FTO: variants seen among roughly 807,000 people sequenced by gnomAD.
The protein encoded by FTO is alpha-ketoglutarate-dependent dioxygenase FTO.
FTO carries 47 observed loss-of-function variants against 63.9 expected under a neutral mutation model. The ratio of observed to expected loss-of-function variants is 0.74; its 90% CI spans 0.58 to 0.94. The LOEUF is 0.94. Among genes scored for constraint, FTO ranks in the 40% least tolerant of loss-of-function variants. The pLI, the probability that FTO is intolerant of heterozygous loss-of-function variation, is 0.00. For missense variants in FTO, 562 were observed against 618.1 expected (o/e 0.91, Z 0.96); for synonymous variants, 207 against 224.4 (o/e 0.92, Z 0.69).
At chr16:54,102,436 C>G (rs2086659929) in intron 8 of FTO, among the ~76,000 whole-genome samples, 1 of 152,112 alleles carries the variant, frequency 6.6e-6, no homozygotes. Flanking sequence ...ATCAGCTGGG[C>G]ATTGTTTTGC....
At chr16:53,979,383 A>C in intron 8 of FTO, 1 of 398,576 alleles carries the variant, frequency 2.5e-6, no homozygotes, top group East Asian at 3.6e-5. Context: ...AGATGGACCA[A>C]TTTACAGATT....
intron 1 of FTO, among the ~76,000 whole-genome samples, chr16:53,746,472 C>T (rs1301352046): frequency 6.6e-6 from 1 of 152,150 alleles, no homozygotes; most frequent in Non-Finnish European, 1.5e-5. Context: ...ACCATTGTCA[C>T]TAATATAGAG....
At chr16:53,821,815 T>C (rs1279238140) in intron 2 of FTO, among the ~76,000 whole-genome samples, 1 of 152,230 alleles carries the variant, frequency 6.6e-6, no homozygotes, top group African/African-American at 2.4e-5. Context: ...GATTATGCTA[T>C]AGTAACTGAT....
At chr16:54,103,140 C>A (rs1360462290) in intron 8 of FTO, among the ~76,000 whole-genome samples, 1 of 151,744 alleles carries the variant, frequency 6.6e-6, no homozygotes, top group Non-Finnish European at 1.5e-5. Flanking sequence ...TGGAGTGAGA[C>A]CCTGTGTCGA....
chr16:53,874,742 A>C (rs2080598703), intron 5 of FTO, among the ~76,000 whole-genome samples: 1 of 152,184 alleles, frequency 6.6e-6, no homozygotes, highest in Admixed American at 6.5e-5. Flanking sequence ...TGGAACGATC[A>C]TATTGCTGTG....
intron 8 of FTO, among the ~76,000 whole-genome samples, chr16:54,011,644 T>C (rs2084337330): frequency 6.6e-6 from 1 of 152,210 alleles, no homozygotes; most frequent in Non-Finnish European, 1.5e-5. Context: ...TCACTTCGTG[T>C]CTCTGTCACA....
Position 53,704,213 on chromosome 16 carries a change from G to T in FTO, c.29G>T (p.Arg10Leu), listed in dbSNP as rs575883122. 35 of 1,551,510 alleles carry T rather than the reference G, an allele frequency of 2.3e-5. No individual in the cohort carries two copies. In the South Asian group the frequency reaches 2.7e-4, roughly 12 times the overall value. The change falls in exon 1 of 9, where the codon CGA (arginine) becomes CTA (leucine). Residue 10 changes from arginine (R) to leucine (L), a missense_variant. Arg to Leu is a moderately radical substitution (Grantham distance 102). Transcript: ENST00000471389. MKRTPTAEE[R>L]EREAKKLRLL... ...AAGCGCACCCCGACTGCCGAGGAACGAGAGCGCGAAGCTAAGGTATGTCGG... is the reference window on the plus strand; with the variant it reads ...AAGCGCACCCCGACTGCCGAGGAACTAGAGCGCGAAGCTAAGGTATGTCGG...
intron 8 of FTO, among the ~76,000 whole-genome samples, chr16:54,050,598 C>T (rs562289710): frequency 4.6e-5 from 7 of 152,172 alleles, no homozygotes; most frequent in African/African-American, 1.7e-4. Context: ...TACCTCCTAC[C>T]CACACCCCCA....
At chr16:53,897,323 G>A (rs993804062) in intron 7 of FTO, among the ~76,000 whole-genome samples, 7 of 151,678 alleles carry the variant, frequency 4.6e-5, no homozygotes, top group Admixed American at 3.3e-4. Flanking sequence ...TTTTAATACC[G>A]CTCAATAAAT....
At position 53,873,782 on chromosome 16, in the gene FTO, G is replaced by A; in HGVS notation, c.896-4G>A. 1 of 1,611,768 alleles carries A rather than the reference G, an allele frequency of 6.2e-7. No homozygotes were observed. The highest frequency in any genetic ancestry group is 8.5e-7 in the Non-Finnish European group (1 of 1,178,224). The stretch of plus-strand genomic sequence containing the variant: ...TTTATACATTTCTGGTGTTTTTCCT[G>A]TAGATGATCTCAATGCCACCCACCA... On this transcript the variant is annotated splice_region_variant and splice_polypyrimidine_tract_variant and intron_variant, in intron 4 of 8. Coordinates refer to ENST00000471389, the MANE Select transcript of FTO (RefSeq NM_001080432.3).
chr16:53,794,646 A>G (rs1598677760), intron 1 of FTO, among the ~76,000 whole-genome samples: 1 of 152,336 alleles, frequency 6.6e-6, no homozygotes, highest in South Asian at 2.1e-4. Flanking sequence ...CTTGAGGGGC[A>G]GGAGGAGATA....
intron 1 of FTO, among the ~76,000 whole-genome samples, chr16:53,743,471 T>C (rs1455622934): frequency 2.6e-5 from 4 of 151,402 alleles, no homozygotes; most frequent in African/African-American, 9.7e-5. Flanking sequence ...CATACGCTGA[T>C]GTTTAGGTAA....
intron 3 of FTO, among the ~76,000 whole-genome samples, chr16:53,843,283 G>A (rs1423042073): frequency 2.6e-5 from 4 of 152,210 alleles, no homozygotes; most frequent in South Asian, 2.1e-4. Context: ...GAGCTTATGC[G>A]TTTGTAATTT....
chr16:54,001,029 C>T (rs13334214), intron 8 of FTO, among the ~76,000 whole-genome samples: 37,638 of 152,076 alleles, frequency 0.25, 5,484 homozygotes, highest in African/African-American at 0.39. Context: ...AAGAGCTTTT[C>T]ACTTCGGAGT....
At chr16:53,802,262 T>C (rs1200944531) in intron 1 of FTO, among the ~76,000 whole-genome samples, 1 of 152,188 alleles carries the variant, frequency 6.6e-6, no homozygotes. Flanking sequence ...AGATTACTTA[T>C]AGTACCTAAT....
chr16:54,101,974 G>T (rs572600684), intron 8 of FTO, among the ~76,000 whole-genome samples: 2 of 152,110 alleles, frequency 1.3e-5, no homozygotes, highest in African/African-American at 4.8e-5. Context: ...TTTGAAAAGT[G>T]CCTGTTCGTG....
chr16:54,004,427 G>T (rs1294775487), intron 8 of FTO, among the ~76,000 whole-genome samples: 1 of 150,358 alleles, frequency 6.7e-6, no homozygotes, highest in African/African-American at 2.5e-5. Context: ...TAAATGTCGT[G>T]GTTTTTTTTT....
chr16:53,978,329 G>A (rs1257493289), intron 8 of FTO, among the ~76,000 whole-genome samples: 1 of 152,168 alleles, frequency 6.6e-6, no homozygotes, highest in Non-Finnish European at 1.5e-5. Flanking sequence ...GGAGTCCTAA[G>A]CTTTCAGTCT....
At chr16:53,906,699 C>T (rs1348921368) in intron 7 of FTO, among the ~76,000 whole-genome samples, 3 of 152,068 alleles carry the variant, frequency 2.0e-5, no homozygotes. Flanking sequence ...TGGCTATTTC[C>T]TATGGAGAGA....
Sources: gnomAD v4.1 joint callset for allele counts (sites outside exome capture counted in the v4.1 genomes callset) on GRCh38, gnomAD v4.1.1 for gene constraint, MANE v1.5 for transcripts, NCBI Gene and HGNC (gene_info 2026-07-23, HGNC 2026-07-21) for gene names.